Variants in CSRNP3 observed in about 807,000 individuals in gnomAD.
The protein encoded by CSRNP3 is cysteine/serine-rich nuclear protein 3.
CSRNP3 carries 12 observed loss-of-function variants against 48.0 expected under a neutral mutation model. That is an observed-to-expected ratio of 0.25 (90% CI 0.16 to 0.41). CSRNP3 has a LOEUF of 0.41. Ranked by LOEUF, CSRNP3 falls within the 10% of genes least tolerant of loss-of-function variation. CSRNP3 has a pLI of 1.00. For missense variants in CSRNP3, 580 were observed against 724.4 expected (o/e 0.80, Z 2.29); for synonymous variants, 263 against 269.7 (o/e 0.98, Z 0.24).
chr2:165,556,077 C>G (rs1685157112), intron 3 of CSRNP3, among the ~76,000 whole-genome samples: 1 of 152,102 alleles, frequency 6.6e-6, no homozygotes, highest in African/African-American at 2.4e-5. Context: ...GTGCCATGGT[C>G]TCTTTAGGGG....
chr2:165,678,211 AG>A (rs1440774333), intron 6 of CSRNP3, among the ~76,000 whole-genome samples: 1 of 152,204 alleles, frequency 6.6e-6, no homozygotes, highest in Non-Finnish European at 1.5e-5. Flanking sequence ...AATAAGCAAA[AG>A]CAAAAGGAAA....
In CSRNP3 at chr2:165,688,493, G is replaced by A. The variant is rs771326816; in HGVS notation, c.*8740G>A. On this transcript the variant is annotated 3_prime_UTR_variant, in exon 7 of 7. Transcript: ENST00000651982. ...ATCATTTGACATTTGTCAAAAATACGTTTCCCATTTTAAAAATATGTATAA... is the reference window on the plus strand; with the variant it reads ...ATCATTTGACATTTGTCAAAAATACATTTCCCATTTTAAAAATATGTATAA... The A allele has an allele frequency of 5.3e-5, 8 of 152,096 alleles. No homozygotes were observed. The highest frequency in any genetic ancestry group is 3.9e-4 in the East Asian group (2 of 5,190). 9.4% of individuals were successfully genotyped at this position (152,096 alleles called of 1,614,324 possible). A position where few individuals can be genotyped will look rare whatever the true frequency, so the allele number is the denominator to read the frequency against.
intron 1 of CSRNP3, among the ~76,000 whole-genome samples, chr2:165,482,336 T>G (rs112826689): frequency 6.6e-6 from 1 of 151,360 alleles, no homozygotes; most frequent in Admixed American, 6.6e-5. Context: ...TGATCTTGAA[T>G]CACCGCAACC....
rs538968748 is a variant in CSRNP3 at position 165,542,576 on chromosome 2, ATAT to A, written c.-24+24619_-24+24621del. On this transcript the variant is annotated intron_variant, in intron 3 of 6. Transcript: ENST00000651982. ...ACCTCATAATTTTAATAGCTGCATAATATTATACTGTATGGATGTATCAAAATG... is the reference window on the plus strand; with the variant it reads ...ACCTCATAATTTTAATAGCTGCATAATATACTGTATGGATGTATCAAAATG... Among the ~76,000 whole-genome samples, 61 of 152,268 alleles carry A rather than the reference ATAT, an allele frequency of 4.0e-4. 2 individuals carry two copies. In the South Asian group the frequency reaches 0.012, roughly 29 times the overall value.
At chr2:165,615,048 A>G (rs749878993) in intron 4 of CSRNP3, among the ~76,000 whole-genome samples, 8 of 152,190 alleles carry the variant, frequency 5.3e-5, no homozygotes, top group Non-Finnish European at 1.2e-4. Context: ...CATTGGATTT[A>G]ATGATCTGTA....
At chr2:165,496,075 C>G (rs1421412914) in intron 2 of CSRNP3, among the ~76,000 whole-genome samples, 1 of 151,996 alleles carries the variant, frequency 6.6e-6, no homozygotes, top group African/African-American at 2.4e-5. Flanking sequence ...CCCTCTCCCC[C>G]AGGATTCAAA....
At chr2:165,586,398 C>T (rs6749686) in intron 3 of CSRNP3, among the ~76,000 whole-genome samples, 4 of 152,024 alleles carry the variant, frequency 2.6e-5, no homozygotes, top group Admixed American at 6.6e-5. Context: ...ACCAAGAGAA[C>T]GAATGAAGGT....
intron 4 of CSRNP3, among the ~76,000 whole-genome samples, chr2:165,646,482 T>C (rs1171962087): frequency 1.3e-5 from 2 of 152,164 alleles, no homozygotes. Context: ...GTTTAATCCT[T>C]GTAACAGGAG....
chr2:165,654,082 C>A lies in CSRNP3; in HGVS notation c.149-3679C>A, dbSNP rs189081793. Among the ~76,000 whole-genome samples the A allele has an allele frequency of 2.7e-5, 4 of 149,238 alleles. No homozygotes were observed. In the East Asian group the frequency reaches 7.9e-4, roughly 30 times the overall value. On this transcript the variant is annotated intron_variant, in intron 4 of 6. Coordinates refer to ENST00000651982, the MANE Select transcript of CSRNP3 (RefSeq NM_001172173.2). ...TTTTTCCTTGTCTATAAATTTATGG[C>A]CTTGAATAATAATGCCTTTAGGGCA...
chr2:165,504,213 A>ATTCCTTATC (rs1684395630), intron 2 of CSRNP3, among the ~76,000 whole-genome samples: 1 of 152,062 alleles, frequency 6.6e-6, no homozygotes, highest in African/African-American at 2.4e-5. Context: ...AAAAGAGATA[A>ATTCCTTATC]TAAGATGAAA....
At chr2:165,595,257 A>G (rs1685791246) in intron 4 of CSRNP3, 44 bp downstream of exon 4, 1 of 1,508,742 alleles carries the variant, frequency 6.6e-7, no homozygotes. Flanking sequence ...CTGGTTCTAC[A>G]GCAAAACTAA....
intron 4 of CSRNP3, among the ~76,000 whole-genome samples, chr2:165,641,333 G>A (rs901448755): frequency 6.6e-6 from 1 of 152,114 alleles, no homozygotes; most frequent in African/African-American, 2.4e-5. Context: ...ACCTCCTCAA[G>A]TCTTTCTCAA....
intron 4 of CSRNP3, among the ~76,000 whole-genome samples, chr2:165,600,068 A>T (rs1455869496): frequency 8.7e-3 from 1,114 of 128,256 alleles, no homozygotes; most frequent in South Asian, 0.014. Flanking sequence ...TATCTCCTAA[A>T]GCTATCCCTC....
intron 2 of CSRNP3, among the ~76,000 whole-genome samples, chr2:165,512,888 A>G (rs920760813): frequency 1.4e-4 from 22 of 152,352 alleles, no homozygotes; most frequent in African/African-American, 4.1e-4. Context: ...GAGGATCACA[A>G]GGTCAGGAGA....
chr2:165,484,065 C>T (rs79534225), intron 1 of CSRNP3, among the ~76,000 whole-genome samples: 9,484 of 152,040 alleles, frequency 0.062, 385 homozygotes, highest in Non-Finnish European at 0.094. Context: ...TTATTGTATA[C>T]GGAATCAGTA....
intron 5 of CSRNP3, 31 bp from the exon 6 acceptor site, chr2:165,676,281 G>A (rs1465746766): frequency 1.3e-6 from 2 of 1,589,616 alleles, no homozygotes; most frequent in Admixed American, 3.4e-5. Context: ...TGCCCTTAAT[G>A]AGTCTCTTAT....
intron 3 of CSRNP3, among the ~76,000 whole-genome samples, chr2:165,518,573 A>G (rs1415820498): frequency 6.6e-6 from 1 of 152,016 alleles, no homozygotes; most frequent in Non-Finnish European, 1.5e-5. Context: ...AGCTTATTAT[A>G]ATAACAAATT....
At chr2:165,581,530 A>T (rs1225545911) in intron 3 of CSRNP3, among the ~76,000 whole-genome samples, 1 of 51,148 alleles carries the variant, frequency 2.0e-5, no homozygotes, top group Admixed American at 2.1e-4. Context: ...TGCCCTGCCC[A>T]CCCCTCCCAC....
At chr2:165,486,093 G>A (rs1002325147) in intron 1 of CSRNP3, among the ~76,000 whole-genome samples, 18 of 152,186 alleles carry the variant, frequency 1.2e-4, no homozygotes, top group Non-Finnish European at 1.2e-4. Context: ...TGCGCGCACC[G>A]TGCGCGAGCC....
Sources: allele counts gnomAD v4.1 joint callset (sites outside exome capture counted in the v4.1 genomes callset), GRCh38; gene constraint gnomAD v4.1.1; transcripts MANE v1.5; gene names NCBI Gene and HGNC (gene_info 2026-07-23, HGNC 2026-07-21).